The following CFTR variants were observed in gnomAD, a reference collection of about 807,000 sequenced individuals.
The protein encoded by CFTR is cystic fibrosis transmembrane conductance regulator.
Under a neutral mutation model 171.6 loss-of-function variants are expected in CFTR, and 181 were observed. The ratio of observed to expected loss-of-function variants is 1.05; its 90% confidence interval spans 0.93 to 1.19. The LOEUF (loss-of-function observed/expected upper bound fraction) is 1.19, where lower values mean the gene tolerates loss of function less well. Among genes scored for constraint, CFTR ranks in the 50% most tolerant of loss-of-function variants. The pLI, the probability that CFTR is intolerant of heterozygous loss-of-function variation, is 0.00. For missense variants in CFTR, 1,968 were observed against 1,734.7 expected (o/e 1.13, Z -2.39); for synonymous variants, 583 against 608.0 (o/e 0.96, Z 0.60).
intron 3 of CFTR, among the ~76,000 whole-genome samples, chr7:117,510,960 A>G (rs1798508103): frequency 6.6e-6 from 1 of 152,158 alleles, no homozygotes; most frequent in Non-Finnish European, 1.5e-5. Context: ...CCAAAGTTAC[A>G]CATATGGTAA....
chr7:117,573,056 CT>C (rs3035687), intron 11 of CFTR, among the ~76,000 whole-genome samples: 1 of 106,996 alleles, frequency 9.3e-6, no homozygotes, highest in Non-Finnish European at 2.4e-5. Flanking sequence ...CTCTCTCTCT[CT>C]TGCTCTCTCT....
chr7:117,569,162 T>A (rs1458032913), intron 11 of CFTR, among the ~76,000 whole-genome samples: 1 of 152,040 alleles, frequency 6.6e-6, no homozygotes, highest in Non-Finnish European at 1.5e-5. Context: ...GTGAGTGTAG[T>A]ATAAGAAGAC....
At chr7:117,514,225 G>A (rs541739433) in intron 3 of CFTR, among the ~76,000 whole-genome samples, 17 of 151,162 alleles carry the variant, frequency 1.1e-4, no homozygotes, top group Admixed American at 3.3e-4. Context: ...ATACATGTGC[G>A]GAACATGCAG....
chr7:117,589,648 A>G (rs1461404120), intron 12 of CFTR, among the ~76,000 whole-genome samples: 2 of 151,992 alleles, frequency 1.3e-5, no homozygotes, highest in Non-Finnish European at 2.9e-5. Context: ...ATGGATATAC[A>G]TTTTGTTGTG....
chr7:117,581,890 C>T (rs916948893), intron 11 of CFTR, among the ~76,000 whole-genome samples: 1 of 151,862 alleles, frequency 6.6e-6, no homozygotes, highest in Non-Finnish European at 1.5e-5. Flanking sequence ...GTAGCTAGGA[C>T]TACTACAGGT....
chr7:117,591,131 G>T (rs1212739140), intron 13 of CFTR, among the ~76,000 whole-genome samples: 1 of 151,862 alleles, frequency 6.6e-6, no homozygotes, highest in Non-Finnish European at 1.5e-5. Context: ...AAAATGGCTG[G>T]GTTATTCCTA....
intron 11 of CFTR, among the ~76,000 whole-genome samples, chr7:117,562,380 A>G (rs213951): frequency 0.19 from 29,112 of 152,056 alleles, 3,012 homozygotes; most frequent in Non-Finnish European, 0.21. Context: ...ATGTTGACAA[A>G]GTGGTATAAA....
chr7:117,553,007 A>G (rs1171972881), intron 10 of CFTR, among the ~76,000 whole-genome samples: 1 of 152,078 alleles, frequency 6.6e-6, no homozygotes, highest in East Asian at 1.9e-4. Flanking sequence ...AACCTTAGAG[A>G]GACCCTCACA....
chr7:117,658,096 G>A (rs549456190), intron 24 of CFTR, among the ~76,000 whole-genome samples: 61 of 152,288 alleles, frequency 4.0e-4, no homozygotes, highest in African/African-American at 1.4e-3. Context: ...AGGGAAGAGA[G>A]TTTCTAAAAT....
chr7:117,659,157 G>GC (rs1793225882), intron 24 of CFTR, among the ~76,000 whole-genome samples: 1 of 152,054 alleles, frequency 6.6e-6, no homozygotes, highest in Non-Finnish European at 1.5e-5. Flanking sequence ...AACTCCCCCA[G>GC]CCCTTCACTG....
intron 3 of CFTR, among the ~76,000 whole-genome samples, chr7:117,511,148 G>T (rs918761786): frequency 1.3e-5 from 2 of 152,116 alleles, no homozygotes; most frequent in Admixed American, 6.5e-5. Flanking sequence ...CTTCTCAGGA[G>T]ACACAGGCTA....
intron 1 of CFTR, among the ~76,000 whole-genome samples, chr7:117,498,200 G>A (rs952732672): frequency 6.6e-6 from 1 of 152,058 alleles, no homozygotes; most frequent in Non-Finnish European, 1.5e-5. Flanking sequence ...GAAATTAATT[G>A]ACCACTTTAA....
At chr7:117,510,926 C>T (rs902568673) in intron 3 of CFTR, among the ~76,000 whole-genome samples, 4 of 152,096 alleles carry the variant, frequency 2.6e-5, no homozygotes, top group East Asian at 1.9e-4. Context: ...GGAAGTTGAG[C>T]GTGAGGCAAA....
chr7:117,569,874 A>G (rs1791662432), intron 11 of CFTR, among the ~76,000 whole-genome samples: 2 of 152,180 alleles, frequency 1.3e-5, no homozygotes, highest in Admixed American at 1.3e-4. Flanking sequence ...ATCATTCTAC[A>G]AACAGAGGGC....
chr7:117,602,858 T>C lies in CFTR; in HGVS notation c.2652T>C (p.Leu884=). The change falls in exon 16 of 27, where the codon CTT becomes CTC. Residue 884 remains leucine (L), a synonymous_variant. Coordinates refer to ENST00000003084, the MANE Select transcript of CFTR (RefSeq NM_000492.4). ...CTTCTTTGGTTGTGCTGTGGCTCCT[T>C]GGAAAGTGAGTATTCCATGTCCTAT... The part of the protein sequence containing the change: ...VAASLVVLWL[L]GNTPLQDKGN... The C allele has an allele frequency of 6.2e-7, 1 of 1,613,384 alleles. No individual in the cohort carries two copies. Among genetic ancestry groups the C allele is most frequent in the Non-Finnish European group, 8.5e-7 (1 of 1,179,288 alleles).
intron 15 of CFTR, among the ~76,000 whole-genome samples, chr7:117,599,414 ATAT>A (rs1214616363): frequency 2.0e-5 from 3 of 152,174 alleles, no homozygotes; most frequent in Non-Finnish European, 2.9e-5. Context: ...CATGTGTATA[ATAT>A]TATTAGCTCA....
At chr7:117,536,710 T>C (rs1268554663) in intron 7 of CFTR, 37 bp downstream of exon 7, 1 of 1,562,274 alleles carries the variant, frequency 6.4e-7, no homozygotes, top group Non-Finnish European at 8.8e-7. Context: ...TGTTAGTAAT[T>C]CTGTCCTTAA....
intron 23 of CFTR, among the ~76,000 whole-genome samples, chr7:117,650,615 C>T (rs2116190519): frequency 6.6e-6 from 1 of 152,158 alleles, no homozygotes; most frequent in African/African-American, 2.4e-5. Flanking sequence ...ATGATAATGC[C>T]ATTATTCCGT....
At chr7:117,551,987 A>T (rs1584795145) in intron 10 of CFTR, among the ~76,000 whole-genome samples, 1 of 152,268 alleles carries the variant, frequency 6.6e-6, no homozygotes, top group South Asian at 2.1e-4. Flanking sequence ...CTTGCTTTTT[A>T]TACAGAATAC....
Sources: gnomAD v4.1 joint callset for allele counts (sites outside exome capture counted in the v4.1 genomes callset) on GRCh38, gnomAD v4.1.1 for gene constraint, MANE v1.5 for transcripts, NCBI Gene and HGNC (gene_info 2026-07-23, HGNC 2026-07-21) for gene names.